Variants in CAMKMT observed in about 807,000 individuals in gnomAD.
CAMKMT encodes CaM KMT.
CAMKMT carries 53 observed loss-of-function variants against 48.0 expected under a neutral mutation model. The observed-to-expected ratio is 1.10, with a 90% confidence interval of 0.89 to 1.39. The LOEUF (loss-of-function observed/expected upper bound fraction) is 1.39, where lower values mean the gene tolerates loss of function less well. CAMKMT is among the 40% of genes most tolerant of loss of function. CAMKMT has a pLI of 0.00. For missense variants in CAMKMT, 428 were observed against 402.7 expected (o/e 1.06, Z -0.54); for synonymous variants, 165 against 152.3 (o/e 1.08, Z -0.61).
At position 44,515,764 on chromosome 2, in the gene CAMKMT, G is replaced by A. The variant is rs1295714564; in HGVS notation, c.376+125459G>A. Among the ~76,000 whole-genome samples the A allele has an allele frequency of 2.0e-5, 3 of 152,294 alleles. No individual in the cohort carries two copies. In the East Asian group the frequency reaches 5.8e-4, roughly 29 times the overall value. On this transcript the variant is annotated intron_variant, in intron 3 of 10. Coordinates refer to ENST00000378494, the MANE Select transcript of CAMKMT (RefSeq NM_024766.5). ...GCTTAGGTGAGAAGACAAGTTAGGG[G>A]TTGTTAGCTCTGTCTTCTTCTTTGT...
intron 3 of CAMKMT, among the ~76,000 whole-genome samples, chr2:44,583,529 C>A (rs886474685): frequency 6.6e-6 from 1 of 152,136 alleles, no homozygotes; most frequent in Admixed American, 6.5e-5. Context: ...GACCATGGCT[C>A]ACCCTATAAT....
rs1682515181 is a variant in CAMKMT, at chr2:44,402,805, T to C, written c.376+12500T>C. 2.7e-5 allele frequency among the ~76,000 whole-genome samples: 4 copies of C among 150,654 alleles called. No individual in the cohort carries two copies. In the South Asian group the frequency reaches 8.3e-4, roughly 31 times the overall value. On this transcript the variant is annotated intron_variant, in intron 3 of 10. Transcript: ENST00000378494. ...CTTTCTGTTGAGTTTTTTATTTCTA[T>C]TTTTACGCTTTTTAATGTCCAAAAG...
At chr2:44,433,207 A>G (rs576988061) in intron 3 of CAMKMT, among the ~76,000 whole-genome samples, 1 of 152,278 alleles carries the variant, frequency 6.6e-6, no homozygotes, top group African/African-American at 2.4e-5. Context: ...TGAAATACAT[A>G]TATATATCCT....
At chr2:44,362,654 G>A (rs933780027) in intron 1 of CAMKMT, among the ~76,000 whole-genome samples, 1 of 152,174 alleles carries the variant, frequency 6.6e-6, no homozygotes, top group African/African-American at 2.4e-5. Flanking sequence ...ACAGCGGAGC[G>A]TGCAAGGAGT....
chr2:44,673,481 G>A (rs1450662709), intron 3 of CAMKMT, among the ~76,000 whole-genome samples: 9 of 123,502 alleles, frequency 7.3e-5, no homozygotes, highest in African/African-American at 2.9e-4. Flanking sequence ...GAGGAAGGAA[G>A]GAAGGAAGGA....
At chr2:44,362,853 G>A (rs961624126) in intron 1 of CAMKMT, among the ~76,000 whole-genome samples, 3 of 152,172 alleles carry the variant, frequency 2.0e-5, no homozygotes, top group African/African-American at 7.2e-5. Context: ...CAAGCTTGAC[G>A]GAAGTTCTGA....
chr2:44,610,512 A>T (rs746564121), intron 3 of CAMKMT, among the ~76,000 whole-genome samples: 1 of 152,230 alleles, frequency 6.6e-6, no homozygotes, highest in Non-Finnish European at 1.5e-5. Context: ...ATACTAGAAT[A>T]TTATCAAAAT....
chr2:44,572,042 C>T (rs1462163980), intron 3 of CAMKMT, among the ~76,000 whole-genome samples: 1 of 152,030 alleles, frequency 6.6e-6, no homozygotes, highest in Non-Finnish European at 1.5e-5. Flanking sequence ...AATTCAGTGG[C>T]ACTAAGTATA....
At chr2:44,466,019 A>G (rs1326641181) in intron 3 of CAMKMT, among the ~76,000 whole-genome samples, 2 of 152,224 alleles carry the variant, frequency 1.3e-5, no homozygotes, top group Non-Finnish European at 2.9e-5. Flanking sequence ...ACAGTAGAGC[A>G]CCCAAATATA....
At chr2:44,677,668 A>G (rs1030582544) in intron 3 of CAMKMT, among the ~76,000 whole-genome samples, 3 of 151,928 alleles carry the variant, frequency 2.0e-5, no homozygotes, top group Non-Finnish European at 4.4e-5. Flanking sequence ...AGATGGCACC[A>G]CTGCACTCCA....
At chr2:44,475,954 T>C (rs1391048970) in intron 3 of CAMKMT, among the ~76,000 whole-genome samples, 1 of 152,246 alleles carries the variant, frequency 6.6e-6, no homozygotes, top group Non-Finnish European at 1.5e-5. Context: ...TGAAACCTTT[T>C]TGTTTCTTAT....
intron 3 of CAMKMT, among the ~76,000 whole-genome samples, chr2:44,444,714 T>A (rs1465498624): frequency 2.0e-5 from 3 of 152,190 alleles, no homozygotes; most frequent in African/African-American, 7.2e-5. Flanking sequence ...TGCCAGGTGA[T>A]GGGAATAAAT....
At chr2:44,726,619 G>A (rs1678801165) in intron 7 of CAMKMT, among the ~76,000 whole-genome samples, 2 of 152,154 alleles carry the variant, frequency 1.3e-5, no homozygotes, top group South Asian at 4.1e-4. Flanking sequence ...GCTCTTTCGT[G>A]TAATCAGGTC....
Position 44,538,922 on chromosome 2 carries a change from C to G in CAMKMT, c.376+148617C>G, listed in dbSNP as rs537845784. ...TAATTGGTATACCAATTATTTGCAT[C>G]TACACTTTTCTTTCTCTCTCTTTCT... On this transcript the variant is annotated intron_variant, in intron 3 of 10. Transcript: ENST00000378494. Among the ~76,000 whole-genome samples the G allele has an allele frequency of 8.4e-4, 127 of 150,878 alleles. 2 individuals carry two copies. In the South Asian group the frequency reaches 0.025, roughly 30 times the overall value.
chr2:44,485,952 G>C (rs1669196089), intron 3 of CAMKMT, among the ~76,000 whole-genome samples: 1 of 151,906 alleles, frequency 6.6e-6, no homozygotes, highest in Non-Finnish European at 1.5e-5. Flanking sequence ...TGATTATGTG[G>C]GTGTGTTCAC....
At chr2:44,597,905 T>C (rs1293930385) in intron 3 of CAMKMT, among the ~76,000 whole-genome samples, 1 of 151,998 alleles carries the variant, frequency 6.6e-6, no homozygotes, top group Non-Finnish European at 1.5e-5. Flanking sequence ...CTGGGCTAAT[T>C]TTTGTGTTTT....
At chr2:44,365,758 G>T (rs1678525550) in intron 1 of CAMKMT, among the ~76,000 whole-genome samples, 1 of 152,204 alleles carries the variant, frequency 6.6e-6, no homozygotes, top group African/African-American at 2.4e-5. Flanking sequence ...GTTCCTAAAA[G>T]GAGGCAATGT....
chr2:44,546,961 A>C (rs140887698), intron 3 of CAMKMT, among the ~76,000 whole-genome samples: 27 of 152,220 alleles, frequency 1.8e-4, no homozygotes, highest in African/African-American at 6.5e-4. Context: ...GGGGGTTTTT[A>C]CTTCACAACA....
chr2:44,435,295 G>A (rs1320335862), intron 3 of CAMKMT, among the ~76,000 whole-genome samples: 1 of 152,106 alleles, frequency 6.6e-6, no homozygotes, highest in African/African-American at 2.4e-5. Flanking sequence ...TTGGGTGGAA[G>A]TGCTGTCCTC....
Sources: allele counts gnomAD v4.1 joint callset (sites outside exome capture counted in the v4.1 genomes callset), GRCh38; gene constraint gnomAD v4.1.1; transcripts MANE v1.5; gene names NCBI Gene and HGNC (gene_info 2026-07-23, HGNC 2026-07-21).